The following DIPK1A variants were observed in gnomAD, a reference collection of about 807,000 sequenced individuals.
The protein encoded by DIPK1A is family with sequence similarity 69 member A.
In DIPK1A, 27 loss-of-function variants were observed where a neutral mutation model predicts 40.8. That is an observed-to-expected ratio of 0.66 (90% CI 0.49 to 0.91). DIPK1A has a LOEUF of 0.91. Ranked by LOEUF, DIPK1A falls within the 40% of genes least tolerant of loss-of-function variation. DIPK1A has a pLI of 0.00. For missense variants in DIPK1A, 412 were observed against 505.7 expected, an observed-to-expected ratio of 0.81 and a Z score of 1.78; for synonymous variants, 166 against 171.3, an observed-to-expected ratio of 0.97 and a Z score of 0.24.
chr1:92,959,903 CTTTTTTTTT>C lies in DIPK1A; in HGVS notation c.54+1464_54+1472del, dbSNP rs1157142089. The stretch of plus-strand genomic sequence containing the variant: ...GCTGGGACCACAGGCACCCAACCAA[CTTTTTTTTT>C]TTTTTTTTTTTTTTTGTATTTTTAG... On this transcript the variant is annotated intron_variant, in intron 1 of 4. Coordinates refer to ENST00000370310, the MANE Select transcript of DIPK1A (RefSeq NM_001006605.5). Among the ~76,000 whole-genome samples the C allele has an allele frequency of 5.4e-4, 26 of 47,878 alleles. 1 individual carries two copies. The highest frequency in any genetic ancestry group is 1.9e-3 in the African/African-American group (17 of 9,078). The allele number at this position is 47,878 out of a possible 152,430, so 31.4% of individuals were successfully genotyped here. A position where few individuals can be genotyped will look rare whatever the true frequency, so the allele number is the denominator to read the frequency against.
At chr1:92,939,677 G>A (rs1651078444) in intron 1 of DIPK1A, among the ~76,000 whole-genome samples, 1 of 152,154 alleles carries the variant, frequency 6.6e-6, no homozygotes, top group Non-Finnish European at 1.5e-5. Context: ...ATCAGGGCTG[G>A]AAGCAGTAGC....
chr1:92,941,597 C>T (rs542578739), intron 1 of DIPK1A, among the ~76,000 whole-genome samples: 26 of 152,264 alleles, frequency 1.7e-4, no homozygotes, highest in African/African-American at 6.0e-4. Flanking sequence ...GTAGTTTTTA[C>T]ATCCAGGGCA....
chr1:92,864,461 A>G (rs1234950117), intron 2 of DIPK1A, among the ~76,000 whole-genome samples: 1 of 152,232 alleles, frequency 6.6e-6, no homozygotes, highest in African/African-American at 2.4e-5. Flanking sequence ...TTACCCAGGT[A>G]GAAACTTAGA....
intron 1 of DIPK1A, among the ~76,000 whole-genome samples, chr1:92,947,830 T>G (rs1232779017): frequency 1.3e-5 from 2 of 152,192 alleles, no homozygotes; most frequent in South Asian, 2.1e-4. Context: ...TTCACTCATA[T>G]GTGGAAACTA....
chr1:92,872,069 CTTTTTTTTTT>C (rs148010880), intron 2 of DIPK1A, among the ~76,000 whole-genome samples: 7 of 67,954 alleles, frequency 1.0e-4, no homozygotes, highest in African/African-American at 1.7e-4. Flanking sequence ...TTCTTTAAAT[CTTTTTTTTTT>C]TTTTTTTTTT....
At chr1:92,858,195 C>G (rs1688052135) in intron 2 of DIPK1A, among the ~76,000 whole-genome samples, 1 of 152,112 alleles carries the variant, frequency 6.6e-6, no homozygotes, top group African/African-American at 2.4e-5. Flanking sequence ...ATCTTGGGCT[C>G]CTGAATCTTA....
chr1:92,926,208 G>A (rs1253798253), intron 1 of DIPK1A, among the ~76,000 whole-genome samples: 1 of 151,958 alleles, frequency 6.6e-6, no homozygotes, highest in Non-Finnish European at 1.5e-5. Flanking sequence ...AAATTTCTCT[G>A]TAAGCAGTGC....
At chr1:92,932,124 C>A in intron 1 of DIPK1A, 1 of 265,600 alleles carries the variant, frequency 3.8e-6, no homozygotes, top group South Asian at 4.1e-5. Flanking sequence ...TCTACGAGCT[C>A]GCAAATATGT....
chr1:92,903,817 TA>T (rs1473991286), intron 1 of DIPK1A, among the ~76,000 whole-genome samples: 1 of 152,234 alleles, frequency 6.6e-6, no homozygotes, highest in Middle Eastern at 3.2e-3. Flanking sequence ...AATATGGCCT[TA>T]AACTGCCCAT....
chr1:92,850,967 G>A lies in DIPK1A; in HGVS notation c.190-12C>T. 6.6e-7 allele frequency: 1 copy of A among 1,509,642 alleles called. No individual in the cohort carries two copies. Among genetic ancestry groups the A allele is most frequent in the African/African-American group, 1.4e-5 (1 of 71,642 alleles). The allele number at this position is 1,509,642 out of a possible 1,614,324, so 93.5% of individuals were successfully genotyped here. On this transcript the variant is annotated splice_polypyrimidine_tract_variant and intron_variant, in intron 2 of 4. Coordinates refer to ENST00000370310, the MANE Select transcript of DIPK1A (RefSeq NM_001006605.5). ...TTGTACTTGTCACACTAAAAACCAG[G>A]AAATAAAAAAGTAGTTAATAGAAAA...
At position 92,949,706 on chromosome 1, in the gene DIPK1A, G is replaced by A. The variant is rs1651552150; in HGVS notation, c.54+11670C>T. On this transcript the variant is annotated intron_variant, in intron 1 of 4. Transcript: ENST00000370310. Reference sequence around the variant, plus strand: ...AAATCCAAAAATATAAATGGTTAAAGAGAGGCTACCTTTAGGGAATAAAGC... The same window carrying A: ...AAATCCAAAAATATAAATGGTTAAAAAGAGGCTACCTTTAGGGAATAAAGC... Among the ~76,000 whole-genome samples, 3 of 152,296 alleles carry A rather than the reference G, an allele frequency of 2.0e-5. No homozygotes were observed. In the South Asian group the frequency reaches 6.2e-4, roughly 32 times the overall value.
At chr1:92,943,454 G>A (rs1651245899) in intron 1 of DIPK1A, among the ~76,000 whole-genome samples, 1 of 152,158 alleles carries the variant, frequency 6.6e-6, no homozygotes. Flanking sequence ...TGAGAAGTGA[G>A]GTTGAAGACG....
intron 2 of DIPK1A, among the ~76,000 whole-genome samples, chr1:92,863,841 G>A (rs958224370): frequency 6.6e-6 from 1 of 152,022 alleles, no homozygotes; most frequent in African/African-American, 2.4e-5. Context: ...ACTTAAGGTC[G>A]GTCAGGAGTT....
intron 1 of DIPK1A, among the ~76,000 whole-genome samples, chr1:92,941,626 T>C (rs1284782904): frequency 6.6e-6 from 1 of 152,164 alleles, no homozygotes; most frequent in African/African-American, 2.4e-5. Flanking sequence ...TTGTAATATC[T>C]AAAATGGATT....
chr1:92,855,882 C>A (rs1043173597), intron 2 of DIPK1A, among the ~76,000 whole-genome samples: 1 of 152,008 alleles, frequency 6.6e-6, no homozygotes, highest in Non-Finnish European at 1.5e-5. Flanking sequence ...GAGTTCCAGA[C>A]CAGACTGGAC....
At chr1:92,834,698 T>C (rs1687047084) in intron 4 of DIPK1A, 9 of 1,578,716 alleles carry the variant, frequency 5.7e-6, no homozygotes, top group Non-Finnish European at 7.8e-6. Flanking sequence ...TCAATGTTTT[T>C]TTATTCCCTT....
chr1:92,846,706 G>C (rs546929525), intron 4 of DIPK1A: 1 of 247,354 alleles, frequency 4.0e-6, no homozygotes, highest in Non-Finnish European at 7.9e-6. Context: ...TTGGCTCACT[G>C]CAACCTCGAC....
intron 1 of DIPK1A, among the ~76,000 whole-genome samples, chr1:92,895,742 T>C (rs1188389498): frequency 6.6e-6 from 1 of 152,088 alleles, no homozygotes; most frequent in Non-Finnish European, 1.5e-5. Flanking sequence ...CATGATTGTA[T>C]ATCTAGAAAA....
intron 1 of DIPK1A, among the ~76,000 whole-genome samples, chr1:92,900,619 T>A (rs148051109): frequency 1.3e-5 from 2 of 151,960 alleles, no homozygotes; most frequent in Non-Finnish European, 2.9e-5. Flanking sequence ...TTCCTTTTCA[T>A]TGGGGTCTGT....
Sources: gnomAD v4.1 joint callset for allele counts (sites outside exome capture counted in the v4.1 genomes callset) on GRCh38, gnomAD v4.1.1 for gene constraint, MANE v1.5 for transcripts, NCBI Gene and HGNC (gene_info 2026-07-23, HGNC 2026-07-21) for gene names.